The following UGGT1 variants were observed in gnomAD, a reference collection of about 807,000 sequenced individuals.
UGGT1 encodes UDP-glucose:glycoprotein glucosyltransferase 1.
In UGGT1, 107 loss-of-function variants were observed where a neutral mutation model predicts 203.9. The observed-to-expected ratio is 0.52, with a 90% CI of 0.45 to 0.62. The LOEUF is 0.62. UGGT1 is among the 20% of genes least tolerant of loss of function. The probability of loss-of-function intolerance (pLI) is 0.00; values close to 1 mark genes in which losing one functional copy is unlikely to be tolerated. For missense variants in UGGT1, 1,673 were observed against 1,867.2 expected (o/e 0.90, Z 1.92); for synonymous variants, 628 against 653.5 (o/e 0.96, Z 0.59).
chr2:128,170,909 C>T (rs1454776896), intron 27 of UGGT1, among the ~76,000 whole-genome samples: 1 of 152,106 alleles, frequency 6.6e-6, no homozygotes, highest in Non-Finnish European at 1.5e-5. Flanking sequence ...GGCATGTGAG[C>T]GGTGACTCTG....
At chr2:128,109,839 C>A in intron 5 of UGGT1, 93 bp downstream of exon 5, 2 of 1,026,050 alleles carry the variant, frequency 1.9e-6, no homozygotes, top group Non-Finnish European at 1.5e-6. Context: ...TGTTTTGTAT[C>A]ATTAGGTGTA....
chr2:128,123,340 CT>C, intron 11 of UGGT1, 94 bp downstream of exon 11: 1 of 1,024,202 alleles, frequency 9.8e-7, no homozygotes, highest in Non-Finnish European at 1.4e-6. Context: ...CAGTGTCACT[CT>C]TCTTTTATCT....
intron 16 of UGGT1, among the ~76,000 whole-genome samples, chr2:128,139,127 A>G (rs1012082177): frequency 1.3e-5 from 2 of 152,248 alleles, no homozygotes; most frequent in Non-Finnish European, 2.9e-5. Context: ...AATAGGTTCA[A>G]AAGAAGTCAC....
Position 128,189,925 on chromosome 2 carries a change from A to G in UGGT1, c.*183A>G, listed in dbSNP as rs148903687. 2 of 614,580 alleles carry G rather than the reference A, an allele frequency of 3.3e-6. No individual in the cohort carries two copies. Among genetic ancestry groups the G allele is most frequent in the East Asian group, 5.6e-5 (2 of 35,616 alleles). 38.1% of individuals were successfully genotyped at this position (614,580 alleles called of 1,614,324 possible). A position where few individuals can be genotyped will look rare whatever the true frequency, so the allele number is the denominator to read the frequency against. On this transcript the variant is annotated 3_prime_UTR_variant, in exon 41 of 41. Transcript: ENST00000259253. ...GTGGCCACTGGATCTTTGGGATTAA[A>G]GCTCTGTTGGATTTGTACCTCAGAG... is the stretch of plus-strand genomic sequence containing the variant.
At chr2:128,176,928 T>C in intron 32 of UGGT1, 30 bp downstream of exon 32, 3 of 1,582,642 alleles carry the variant, frequency 1.9e-6, no homozygotes, top group Non-Finnish European at 2.6e-6. Flanking sequence ...TGGCATTCTG[T>C]TATTGGACAG....
intron 38 of UGGT1, 85 bp downstream of exon 38, chr2:128,183,874 T>C (rs1437494194): frequency 9.0e-6 from 9 of 999,668 alleles, no homozygotes; most frequent in Admixed American, 2.0e-5. Flanking sequence ...GTGTCTTCAG[T>C]CCTCTCCTCA....
intron 26 of UGGT1, among the ~76,000 whole-genome samples, chr2:128,168,438 T>C (rs1484659487): frequency 1.3e-5 from 2 of 152,252 alleles, no homozygotes; most frequent in Admixed American, 6.5e-5. Context: ...TCCATGAGCA[T>C]GTAAATTGTT....
Position 128,157,103 on chromosome 2 carries a change from G to A in UGGT1, c.2261-149G>A, listed in dbSNP as rs537631639. On this transcript the variant is annotated intron_variant, in intron 21 of 40. Transcript: ENST00000259253. ...CTGCTTTCCTATAGTAAAGGTTTAC[G>A]ACTTTTTCTTCTATCTTTATTAAGC... 451 of 631,458 alleles carry A rather than the reference G, an allele frequency of 7.1e-4. 1 individual carries two copies. Among genetic ancestry groups the A allele is most frequent in the South Asian group, 2.6e-3 (129 of 50,222 alleles). The allele number at this position is 631,458 out of a possible 1,614,324, so 39.1% of individuals were successfully genotyped here.
chr2:128,187,174 T>G, intron 39 of UGGT1: 1 of 327,200 alleles, frequency 3.1e-6, no homozygotes, highest in Non-Finnish European at 5.5e-6. Context: ...TACAATCTGC[T>G]GAGTCACTCC....
chr2:128,114,151 T>A (rs983957326), intron 6 of UGGT1, among the ~76,000 whole-genome samples: 1 of 152,280 alleles, frequency 6.6e-6, no homozygotes, highest in Non-Finnish European at 1.5e-5. Flanking sequence ...AGAGTCTCGC[T>A]CTGTCGCCCA....
At chr2:128,107,555 G>A (rs1371115889) in intron 3 of UGGT1, among the ~76,000 whole-genome samples, 2 of 152,174 alleles carry the variant, frequency 1.3e-5, no homozygotes, top group East Asian at 3.8e-4. Context: ...AAGTGAAAGA[G>A]GTAAACAAAG....
At chr2:128,110,113 C>T (rs929168212) in intron 5 of UGGT1, among the ~76,000 whole-genome samples, 1 of 152,056 alleles carries the variant, frequency 6.6e-6, no homozygotes, top group Admixed American at 6.6e-5. Flanking sequence ...ATGATAATAT[C>T]TCTCAGGATA....
At chr2:128,124,938 A>G (rs907741253) in intron 11 of UGGT1, among the ~76,000 whole-genome samples, 1 of 152,214 alleles carries the variant, frequency 6.6e-6, no homozygotes, top group Non-Finnish European at 1.5e-5. Flanking sequence ...AGAGTGAGGC[A>G]CTAAGGACCT....
In UGGT1 at chr2:128,123,199, A is replaced by G. The variant is rs1259431135; in HGVS notation, c.1087A>G (p.Thr363Ala). Reference sequence around the variant, plus strand: ...TTATTTCCTTAGAGCAATAACAAAAACAGCTGTGAGCTCAGAACTTAGAAC... The same window carrying G: ...TTATTTCCTTAGAGCAATAACAAAAGCAGCTGTGAGCTCAGAACTTAGAAC... ...FPTKARAITKTAVSSELRTEV... is the reference protein window; with the variant it reads ...FPTKARAITKAAVSSELRTEV... Residue 363 changes from threonine (T) to alanine (A), a missense_variant, in exon 11 of 41, where the codon ACA (threonine) becomes GCA (alanine). Physicochemically the swap from Thr to Ala is moderately conservative, Grantham distance 58. Coordinates refer to ENST00000259253, the MANE Select transcript of UGGT1 (RefSeq NM_020120.4). 1.2e-6 allele frequency: 2 copies of G among 1,613,560 alleles called. No individual in the cohort carries two copies. Among genetic ancestry groups the G allele is most frequent in the Admixed American group, 1.7e-5 (1 of 59,994 alleles).
chr2:128,149,481 A>G (rs958108893), intron 18 of UGGT1, among the ~76,000 whole-genome samples: 1 of 151,154 alleles, frequency 6.6e-6, no homozygotes, highest in Non-Finnish European at 1.5e-5. Context: ...TGTCTCTACT[A>G]AAAACACACA....
intron 30 of UGGT1, 47 bp from the exon 31 acceptor site, chr2:128,174,725 AT>A: frequency 7.1e-7 from 1 of 1,413,048 alleles, no homozygotes; most frequent in East Asian, 2.3e-5. Context: ...CAGAAATAAC[AT>A]TTTGGTGTTT....
intron 7 of UGGT1, 105 bp from the exon 8 acceptor site, chr2:128,116,160 G>A: frequency 1.4e-6 from 1 of 696,756 alleles, no homozygotes; most frequent in African/African-American, 1.8e-5. Flanking sequence ...AGGGGTTTCT[G>A]ATTTTTTTCA....
intron 26 of UGGT1, among the ~76,000 whole-genome samples, chr2:128,165,115 G>A (rs1690724131): frequency 6.6e-6 from 1 of 152,190 alleles, no homozygotes; most frequent in African/African-American, 2.4e-5. Flanking sequence ...CAGAGAAGTT[G>A]TACTTTTCTT....
chr2:128,186,517 G>C (rs1691989249), intron 38 of UGGT1, among the ~76,000 whole-genome samples, 166 bp from the exon 39 acceptor site: 1 of 152,182 alleles, frequency 6.6e-6, no homozygotes, highest in South Asian at 2.1e-4. Flanking sequence ...TGAGGCAGGA[G>C]AATCTCTTGA....
Sources: gnomAD v4.1 joint callset for allele counts (sites outside exome capture counted in the v4.1 genomes callset) on GRCh38, gnomAD v4.1.1 for gene constraint, MANE v1.5 for transcripts, NCBI Gene and HGNC (gene_info 2026-07-23, HGNC 2026-07-21) for gene names.